Variants in DNAH12 observed in about 807,000 individuals in gnomAD.
DNAH12 encodes dynein axonemal heavy chain 12.
Under a neutral mutation model 371.5 loss-of-function variants are expected in DNAH12, and 285 were observed. That is an observed-to-expected ratio of 0.77 (90% confidence interval 0.70 to 0.85). DNAH12 has a LOEUF of 0.85. Ranked by LOEUF, DNAH12 falls within the 40% of genes least tolerant of loss-of-function variation. The pLI is 0.00. For synonymous variants in DNAH12, 1,200 were observed against 1,213.0 expected (o/e 0.99, Z 0.22); for missense variants, 3,611 against 3,689.4 (o/e 0.98, Z 0.55).
rs375397617 is a variant in DNAH12, at chr3:57,425,228, G to A, written c.5254-87C>T. ...ACTTTATTTTTAAAAACTGATAAAA[G>A]CATACATGGTTTTAATAAGGTCTTT... On this transcript the variant is annotated intron_variant, in intron 34 of 73. Coordinates refer to ENST00000495027, the MANE Select transcript of DNAH12 (RefSeq NM_001366028.2). 210 of 646,842 alleles carry A rather than the reference G, an allele frequency of 3.2e-4. 1 individual carries two copies. In the East Asian group the frequency reaches 3.7e-3, roughly 11 times the overall value. The allele number at this position is 646,842 out of a possible 1,614,324, so 40.1% of individuals were successfully genotyped here.
intron 51 of DNAH12, among the ~76,000 whole-genome samples, chr3:57,379,842 CAAAAAAAAA>C (rs1170490495): frequency 2.2e-4 from 5 of 22,380 alleles, no homozygotes; most frequent in African/African-American, 6.5e-4. Flanking sequence ...CTCTGTCTCC[CAAAAAAAAA>C]AAAAAAAAAA....
intron 52 of DNAH12, among the ~76,000 whole-genome samples, chr3:57,378,129 C>T (rs2063319172): frequency 6.6e-6 from 1 of 152,060 alleles, no homozygotes; most frequent in South Asian, 2.1e-4. Flanking sequence ...GACATTGTTG[C>T]ATATTTCTCT....
chr3:57,366,556 C>T (rs1017875156), intron 57 of DNAH12, among the ~76,000 whole-genome samples, 173 bp downstream of exon 57: 8 of 152,084 alleles, frequency 5.3e-5, no homozygotes, highest in African/African-American at 1.2e-4. Flanking sequence ...CAATATAACA[C>T]GGTTGGCTTA....
intron 11 of DNAH12, among the ~76,000 whole-genome samples, chr3:57,490,832 T>C (rs866396508): frequency 2.6e-5 from 4 of 152,132 alleles, no homozygotes; most frequent in Non-Finnish European, 5.9e-5. Context: ...CTCACGCCTG[T>C]AATCCCAGCA....
intron 1 of DNAH12, among the ~76,000 whole-genome samples, chr3:57,543,235 T>TACC (rs375654166): frequency 8.1e-5 from 12 of 148,884 alleles, no homozygotes; most frequent in African/African-American, 2.7e-4. Context: ...TGCAAACCAC[T>TACC]ACCACCACCA....
intron 57 of DNAH12, among the ~76,000 whole-genome samples, chr3:57,364,029 C>A (rs1049385178): frequency 6.6e-6 from 1 of 152,050 alleles, no homozygotes. Context: ...TTAGACTTAT[C>A]CATATGGCAT....
At chr3:57,498,687 A>T (rs546938495) in intron 11 of DNAH12, 42 of 663,642 alleles carry the variant, frequency 6.3e-5, no homozygotes, top group Non-Finnish European at 1.1e-4. Flanking sequence ...TATACAGTGA[A>T]ATACTACTAA....
At chr3:57,335,988 C>CT (rs1170709006) in intron 60 of DNAH12, among the ~76,000 whole-genome samples, 5 of 152,136 alleles carry the variant, frequency 3.3e-5, no homozygotes, top group South Asian at 2.1e-4. Flanking sequence ...AAGTCGTCTT[C>CT]TTTTTTTTAA....
At chr3:57,502,181 G>T in intron 10 of DNAH12, 142 bp downstream of exon 10, 1 of 1,106,202 alleles carries the variant, frequency 9.0e-7, no homozygotes, top group East Asian at 2.5e-5. Flanking sequence ...TTGGATTCTT[G>T]ACTCTGCCAA....
chr3:57,376,569 A>G lies in DNAH12; in HGVS notation c.8465+412T>C, dbSNP rs930269679. 2.9e-3 allele frequency among the ~76,000 whole-genome samples: 447 copies of G among 152,332 alleles called. 2 individuals are homozygous for G. Among genetic ancestry groups the G allele is most frequent in the African/African-American group, 9.4e-3 (393 of 41,600 alleles). On this transcript the variant is annotated intron_variant, in intron 53 of 73. Transcript: ENST00000495027. ...GCTGTCCAATCCAAGTAAATACATT[A>G]GAATAAAGCTTACTGGCTTTGTTAG...
chr3:57,523,872 G>A lies in DNAH12; in HGVS notation c.183C>T (p.Ala61=), dbSNP rs759479938. The A allele has an allele frequency of 6.3e-7, 1 of 1,598,886 alleles. No individual in the cohort carries two copies. Among genetic ancestry groups the A allele is most frequent in the South Asian group, 1.1e-5 (1 of 87,860 alleles). The change falls in exon 3 of 74, where the codon GCC becomes GCT. Residue 61 remains alanine (A), a synonymous_variant. Coordinates refer to ENST00000495027, the MANE Select transcript of DNAH12 (RefSeq NM_001366028.2). The part of the protein sequence containing the change: ...QKINQLVIDG[A]KRNLDRTLGK... ...CCAGTGTTCTGTCTAAATTTCTTTT[G>A]GCTCCATCAATTCTGAAATTTATAG...
At chr3:57,501,090 T>C (rs188849910) in intron 11 of DNAH12, among the ~76,000 whole-genome samples, 29 of 152,328 alleles carry the variant, frequency 1.9e-4, no homozygotes, top group Middle Eastern at 3.4e-3. Context: ...CTTTCATTTA[T>C]TTTTGCATCA....
intron 70 of DNAH12, among the ~76,000 whole-genome samples, chr3:57,300,534 A>C (rs983604130): frequency 6.6e-6 from 1 of 152,178 alleles, no homozygotes; most frequent in Admixed American, 6.6e-5. Context: ...GTACACACAC[A>C]CACCCACACA....
At chr3:57,449,136 A>C (rs1237955078) in intron 25 of DNAH12, among the ~76,000 whole-genome samples, 2 of 141,264 alleles carry the variant, frequency 1.4e-5, no homozygotes, top group East Asian at 4.3e-4. Context: ...CCAAGGCCCC[A>C]CCAGAGCAGC....
At chr3:57,304,141 C>T (rs1253158340) in intron 69 of DNAH12, among the ~76,000 whole-genome samples, 2 of 151,944 alleles carry the variant, frequency 1.3e-5, no homozygotes, top group African/African-American at 4.8e-5. Flanking sequence ...ACGGCCCCAC[C>T]CCATCTCCCT....
chr3:57,450,597 C>G (rs2065730391), intron 25 of DNAH12, among the ~76,000 whole-genome samples: 1 of 152,168 alleles, frequency 6.6e-6, no homozygotes, highest in Non-Finnish European at 1.5e-5. Flanking sequence ...AGTTGTTAGC[C>G]CCCACCTTAC....
intron 36 of DNAH12, among the ~76,000 whole-genome samples, chr3:57,420,127 C>T (rs922366575): frequency 2.6e-5 from 4 of 152,150 alleles, no homozygotes; most frequent in African/African-American, 9.7e-5. Flanking sequence ...TACTGAAATT[C>T]TTCTGAATCA....
chr3:57,431,104 T>C (rs2064942041), intron 32 of DNAH12, among the ~76,000 whole-genome samples: 1 of 152,206 alleles, frequency 6.6e-6, no homozygotes, highest in Non-Finnish European at 1.5e-5. Context: ...TTGACCAGAT[T>C]ATTTCAGCAA....
intron 60 of DNAH12, among the ~76,000 whole-genome samples, chr3:57,337,665 A>T (rs887941089): frequency 1.3e-5 from 2 of 152,070 alleles, no homozygotes; most frequent in Non-Finnish European, 2.9e-5. Flanking sequence ...ATCTCAAAAA[A>T]ATATATATAT....
Sources: allele counts gnomAD v4.1 joint callset (sites outside exome capture counted in the v4.1 genomes callset), GRCh38; gene constraint gnomAD v4.1.1; transcripts MANE v1.5; gene names NCBI Gene and HGNC (gene_info 2026-07-23, HGNC 2026-07-21).